The following TEX11 variants were observed in gnomAD, a reference collection of about 807,000 sequenced individuals.
TEX11 encodes the protein testis expressed 11, also known as testis-expressed protein 11.
In TEX11, 7 loss-of-function variants were observed where a neutral mutation model predicts 84.4. The ratio of observed to expected loss-of-function variants is 0.08; its 90% confidence interval spans 0.05 to 0.16. TEX11 has a LOEUF of 0.16. Ranked by LOEUF, TEX11 falls within the 10% of genes least tolerant of loss-of-function variation. The pLI is 1.00. For synonymous variants in TEX11, 264 were observed against 222.8 expected (o/e 1.18, Z -1.64); for missense variants, 551 against 660.5 (o/e 0.83, Z 1.82).
At chrX:70,799,087 A>C (rs185145221) in intron 9 of TEX11, among the ~76,000 whole-genome samples, 106 of 111,999 alleles carry the variant, frequency 9.5e-4, no homozygotes, top group Non-Finnish European at 1.8e-3. Flanking sequence ...TGAGACCTCA[A>C]AAAACTTTTG....
chrX:70,648,868 C>T (rs143277212), intron 17 of TEX11, among the ~76,000 whole-genome samples: 1,443 of 110,310 alleles, frequency 0.013, 27 homozygotes, highest in African/African-American at 0.046. Flanking sequence ...GTTCTCCCTC[C>T]CCTCCCCGCC....
At chrX:70,682,140 G>A (rs890934360) in intron 14 of TEX11, among the ~76,000 whole-genome samples, 3 of 111,322 alleles carry the variant, frequency 2.7e-5, no homozygotes, top group African/African-American at 9.8e-5. Flanking sequence ...GTTCTGCAGG[G>A]AGGCAGAGGA....
intron 10 of TEX11, among the ~76,000 whole-genome samples, chrX:70,742,011 G>T (rs74657725): frequency 0.078 from 8,721 of 111,109 alleles, 425 homozygotes; most frequent in Admixed American, 0.24. Flanking sequence ...AGAGCTCTAT[G>T]CTCTTATGAA....
chrX:70,724,475 A>G (rs1225721042), intron 12 of TEX11, among the ~76,000 whole-genome samples: 1 of 111,854 alleles, frequency 8.9e-6, no homozygotes, highest in South Asian at 3.7e-4. Context: ...TAACTATACT[A>G]ACATATAATT....
chrX:70,646,389 A>T (rs995983566), intron 17 of TEX11, among the ~76,000 whole-genome samples: 1 of 112,533 alleles, frequency 8.9e-6, no homozygotes, highest in Non-Finnish European at 1.9e-5. Context: ...ATTACATCAA[A>T]CTAAAAAGCT....
chrX:70,869,983 C>G (rs937050636), intron 4 of TEX11, among the ~76,000 whole-genome samples: 19 of 111,598 alleles, frequency 1.7e-4, no homozygotes, highest in Admixed American at 1.5e-3. Flanking sequence ...TGCTGTTGCT[C>G]CATCTTGTCT....
intron 9 of TEX11, among the ~76,000 whole-genome samples, chrX:70,746,752 G>T (rs1569427344): frequency 8.9e-6 from 1 of 112,244 alleles, no homozygotes; most frequent in African/African-American, 3.2e-5. Context: ...GATAATGGTA[G>T]CAATAAGGGA....
chrX:70,715,126 A>T (rs371351707), intron 13 of TEX11, among the ~76,000 whole-genome samples: 48 of 110,476 alleles, frequency 4.3e-4, no homozygotes, highest in African/African-American at 1.4e-3. Flanking sequence ...TGGCCCCCAC[A>T]CTCTTCTGGC....
intron 25 of TEX11, among the ~76,000 whole-genome samples, chrX:70,591,338 C>A (rs892935119): frequency 9.0e-6 from 1 of 110,592 alleles, no homozygotes; most frequent in African/African-American, 3.3e-5. Context: ...TGGTGGCTCA[C>A]ACCTGTAATC....
At chrX:70,552,683 A>AT (rs749311095) in intron 27 of TEX11, among the ~76,000 whole-genome samples, 4 of 111,938 alleles carry the variant, frequency 3.6e-5, no homozygotes, top group African/African-American at 9.7e-5. Context: ...CACAACATCT[A>AT]TTTTTCCCCA....
intron 25 of TEX11, among the ~76,000 whole-genome samples, chrX:70,572,495 T>C (rs2088614476): frequency 9.0e-6 from 1 of 111,157 alleles, no homozygotes; most frequent in Non-Finnish European, 1.9e-5. Context: ...GCCATCCCAT[T>C]ACTGAGTATA....
intron 13 of TEX11, among the ~76,000 whole-genome samples, chrX:70,707,713 C>A (rs2090388892): frequency 9.0e-6 from 1 of 111,245 alleles, no homozygotes; most frequent in Non-Finnish European, 1.9e-5. Context: ...CTTGTATCTA[C>A]AACCAGACCC....
intron 17 of TEX11, among the ~76,000 whole-genome samples, chrX:70,633,733 C>T (rs973523848): frequency 9.0e-6 from 1 of 111,106 alleles, no homozygotes; most frequent in Non-Finnish European, 1.9e-5. Flanking sequence ...GCCTGGCCAA[C>T]GTGGTGAAAC....
At chrX:70,539,038 A>ATATATATATATTTTTTT in intron 28 of TEX11, among the ~76,000 whole-genome samples, 16 of 41,241 alleles carry the variant, frequency 3.9e-4, no homozygotes, top group East Asian at 1.1e-3. Context: ...ATATATATAT[A>ATATATATATATTTTTTT]TTTTTTTTTT....
Position 70,678,893 on chromosome X carries a change from A to T in TEX11, c.1157-4T>A. On this transcript the variant is annotated splice_polypyrimidine_tract_variant and splice_region_variant and intron_variant, in intron 14 of 29. Coordinates refer to ENST00000374333, the MANE Select transcript of TEX11 (RefSeq NM_031276.3). ...AGTTGTCTTCCTGTTTGGTGAGCTG[A>T]AAAAAAAAAAAAGCTCTGAAAATAA... The T allele has an allele frequency of 1.5e-4, 1 of 6,847 alleles. No individual in the cohort carries two copies. The highest frequency in any genetic ancestry group is 2.4e-4 in the Non-Finnish European group (1 of 4,165). The allele number at this position is 6,847 out of a possible 1,213,427, so 0.6% of individuals were successfully genotyped here. A position where few individuals can be genotyped will look rare whatever the true frequency, so the allele number is the denominator to read the frequency against.
chrX:70,903,144 G>GTGCTGCGATTACAGGCAT (rs1569464134), intron 2 of TEX11, among the ~76,000 whole-genome samples: 1 of 110,733 alleles, frequency 9.0e-6, no homozygotes, highest in African/African-American at 3.3e-5. Flanking sequence ...ACCTCCTGAA[G>GTGCTGCGATTACAGGCAT]GAACTGCCTG....
intron 13 of TEX11, among the ~76,000 whole-genome samples, chrX:70,716,751 G>A (rs1302757923): frequency 1.8e-5 from 2 of 112,049 alleles, no homozygotes; most frequent in Admixed American, 1.9e-4. Flanking sequence ...GCCTCGCCCT[G>A]CTTCAGCTCA....
chrX:70,701,393 GAAC>G (rs771623467), intron 13 of TEX11, among the ~76,000 whole-genome samples: 156 of 111,841 alleles, frequency 1.4e-3, no homozygotes, highest in Non-Finnish European at 2.6e-3. Flanking sequence ...TCTATAAATG[GAAC>G]AACAAAGCCT....
At chrX:70,846,942 A>G (rs2091482660) in intron 7 of TEX11, among the ~76,000 whole-genome samples, 1 of 111,146 alleles carries the variant, frequency 9.0e-6, no homozygotes, top group South Asian at 3.8e-4. Flanking sequence ...AGGAAGAAAG[A>G]AAGAGATGTG....
Sources: allele counts gnomAD v4.1 joint callset (sites outside exome capture counted in the v4.1 genomes callset), GRCh38; gene constraint gnomAD v4.1.1; transcripts MANE v1.5; gene names NCBI Gene and HGNC (gene_info 2026-07-23, HGNC 2026-07-21).